Variants in PAICS observed in about 807,000 individuals in gnomAD.
PAICS encodes bifunctional phosphoribosylaminoimidazole carboxylase/phosphoribosylaminoimidazole succinocarboxamide synthetase.
PAICS carries 33 observed loss-of-function variants against 53.7 expected under a neutral mutation model. That is an observed-to-expected ratio of 0.61 (90% confidence interval 0.47 to 0.82). PAICS has a LOEUF of 0.82. Ranked by LOEUF, PAICS falls within the 40% of genes least tolerant of loss-of-function variation. PAICS has a pLI of 0.00. For synonymous variants in PAICS, 141 were observed against 167.2 expected (o/e 0.84, Z 1.21); for missense variants, 394 against 494.1 (o/e 0.80, Z 1.92).
the PAICS span, among the ~76,000 whole-genome samples, chr4:56,412,375 C>A: frequency 2.7e-5 from 4 of 150,238 alleles, no homozygotes; most frequent in Non-Finnish European, 4.4e-5. Flanking sequence ...GTGGTGTGAT[C>A]TTGGCTCATT....
At chr4:56,429,957 AT>A in the PAICS span, among the ~76,000 whole-genome samples, 1 of 152,164 alleles carries the variant, frequency 6.6e-6, no homozygotes, top group African/African-American at 2.4e-5. Context: ...AGAATAGTCC[AT>A]TGTAAAAATA....
At chr4:56,425,005 A>G in the PAICS span, among the ~76,000 whole-genome samples, 1 of 152,234 alleles carries the variant, frequency 6.6e-6, no homozygotes, top group African/African-American at 2.4e-5. Context: ...CCTAAAAATC[A>G]CAAGTGAAAT....
chr4:56,423,704 T>C, the PAICS span, among the ~76,000 whole-genome samples: 3 of 152,062 alleles, frequency 2.0e-5, no homozygotes, highest in South Asian at 4.1e-4. Flanking sequence ...TATGAAATAT[T>C]TGGAATATAT....
At chr4:56,432,482 T>C (rs868381450), upstream of PAICS, among the ~76,000 whole-genome samples, 6 of 134,414 alleles carry the variant, frequency 4.5e-5, no homozygotes, top group Admixed American at 2.5e-4. Context: ...GCCCAGATCA[T>C]ACCACTCCAC....
upstream of PAICS, among the ~76,000 whole-genome samples, chr4:56,431,254 G>A (rs1003377737): frequency 6.6e-6 from 1 of 152,162 alleles, no homozygotes; most frequent in Non-Finnish European, 1.5e-5. Flanking sequence ...GATATTCCCT[G>A]CCTTAATTTG....
chr4:56,440,792 A>G (rs1456171615), intron 1 of PAICS, among the ~76,000 whole-genome samples: 1 of 152,216 alleles, frequency 6.6e-6, no homozygotes, highest in Admixed American at 6.5e-5. Flanking sequence ...ATTATTATTT[A>G]CTGGTACATC....
At position 56,451,994 on chromosome 4, in the gene PAICS, A is replaced by T; in HGVS notation, c.894A>T (p.Arg298=). 1 of 1,609,642 alleles carries T rather than the reference A, an allele frequency of 6.2e-7. No individual in the cohort carries two copies. Among genetic ancestry groups the T allele is most frequent in the Non-Finnish European group, 8.5e-7 (1 of 1,177,706 alleles). ...ATTTTGGCATTCCATGTGAACTTCG[A>T]GTAACATCTGCGCATAAAGGACCAG... ...CGNFGIPCEL[R]VTSAHKGPDE... is the part of the protein sequence containing the mutation. Residue 298 remains arginine, a synonymous_variant, in exon 7 of 9, where the codon CGA becomes CGT. Coordinates refer to ENST00000512576, the MANE Select transcript of PAICS (RefSeq NM_001079524.2).
rs950537726 is a variant in PAICS at position 56,464,386 on chromosome 4, C to T, written c.*4848C>T. ...TTAACAATAGGGTATTGTGAATACACAAAAGTAGGAAGGACTCTGATCTCT... is the reference window on the plus strand; with the variant it reads ...TTAACAATAGGGTATTGTGAATACATAAAAGTAGGAAGGACTCTGATCTCT... On this transcript the variant is annotated 3_prime_UTR_variant, in exon 9 of 9. Coordinates refer to ENST00000512576, the MANE Select transcript of PAICS (RefSeq NM_001079524.2). The T allele has an allele frequency of 7.2e-6, 1 of 138,866 alleles. No individual in the cohort carries two copies. Among genetic ancestry groups the T allele is most frequent in the African/African-American group, 2.8e-5 (1 of 35,522 alleles). 8.6% of individuals were successfully genotyped at this position (138,866 alleles called of 1,614,324 possible). A position where few individuals can be genotyped will look rare whatever the true frequency, so the allele number is the denominator to read the frequency against.
intron 1 of PAICS, among the ~76,000 whole-genome samples, chr4:56,438,399 AT>A (rs1560656423): frequency 3.7e-4 from 41 of 109,384 alleles, no homozygotes; most frequent in African/African-American, 1.3e-3. Flanking sequence ...ATATATATAT[AT>A]ATAAAAGGTT....
At chr4:56,447,768 G>A (rs1718689746) in intron 3 of PAICS, among the ~76,000 whole-genome samples, 1 of 152,176 alleles carries the variant, frequency 6.6e-6, no homozygotes, top group African/African-American at 2.4e-5. Context: ...AAGTGCTATT[G>A]AGAGTAAACA....
chr4:56,418,069 C>A, the PAICS span, among the ~76,000 whole-genome samples: 1 of 152,052 alleles, frequency 6.6e-6, no homozygotes, highest in African/African-American at 2.4e-5. Context: ...GATCTCCTGA[C>A]CTCGTGATCC....
At chr4:56,415,655 C>CA in the PAICS span, among the ~76,000 whole-genome samples, 3 of 151,832 alleles carry the variant, frequency 2.0e-5, no homozygotes, top group East Asian at 1.9e-4. Flanking sequence ...TCATACATGC[C>CA]AAAAAAACAG....
rs1317373345 is a variant in PAICS, at chr4:56,463,631, TGTG to T, written c.*4097_*4099del. 2 of 149,804 alleles carry T rather than the reference TGTG, an allele frequency of 1.3e-5. No homozygotes were observed. Among genetic ancestry groups the T allele is most frequent in the African/African-American group, 2.5e-5 (1 of 40,234 alleles). 9.3% of individuals were successfully genotyped at this position (149,804 alleles called of 1,614,324 possible). Reference sequence around the variant, plus strand: ...TCGCTTGAACCTGGAAGGCAGAGGTTGTGGTGAGCTGAGATCGAACCATTGCAC... The same window carrying T: ...TCGCTTGAACCTGGAAGGCAGAGGTTGTGAGCTGAGATCGAACCATTGCAC... On this transcript the variant is annotated 3_prime_UTR_variant, in exon 9 of 9. Transcript: ENST00000512576.
intron 1 of PAICS, 70 bp downstream of exon 1, chr4:56,436,398 G>A (rs562058132): frequency 1.6e-6 from 2 of 1,239,914 alleles, no homozygotes; most frequent in Non-Finnish European, 2.3e-6. Flanking sequence ...GGCCACGTGC[G>A]AGCCGCGAAA....
At chr4:56,424,599 T>C in the PAICS span, among the ~76,000 whole-genome samples, 1 of 152,140 alleles carries the variant, frequency 6.6e-6, no homozygotes, top group Non-Finnish European at 1.5e-5. Context: ...CCCATGAAAA[T>C]TGAATAAACT....
chr4:56,440,169 T>G (rs1369996293), intron 1 of PAICS, among the ~76,000 whole-genome samples: 1 of 152,170 alleles, frequency 6.6e-6, no homozygotes, highest in African/African-American at 2.4e-5. Context: ...TTTCCAGGCC[T>G]AGGAAAGAAG....
the PAICS span, among the ~76,000 whole-genome samples, chr4:56,419,206 T>C: frequency 6.6e-6 from 1 of 152,230 alleles, no homozygotes; most frequent in Non-Finnish European, 1.5e-5. Flanking sequence ...TTAAATTGTT[T>C]GTACCTATCC....
the PAICS span, chr4:56,419,933 T>A: frequency 1.0e-6 from 1 of 983,694 alleles, no homozygotes; most frequent in Non-Finnish European, 1.2e-6. Context: ...AATTTTTTAC[T>A]GAGTTGGATG....
chr4:56,453,029 A>G (rs1316141418), intron 7 of PAICS, among the ~76,000 whole-genome samples: 2 of 152,210 alleles, frequency 1.3e-5, no homozygotes, highest in African/African-American at 4.8e-5. Flanking sequence ...TTCTAGGTTA[A>G]CAAATCTCTG....
Sources: allele counts gnomAD v4.1 joint callset (sites outside exome capture counted in the v4.1 genomes callset), GRCh38; gene constraint gnomAD v4.1.1; transcripts MANE v1.5; gene names NCBI Gene and HGNC (gene_info 2026-07-23, HGNC 2026-07-21).